The following JAM2 variants were observed in gnomAD, a reference collection of about 807,000 sequenced individuals.
The protein encoded by JAM2 is junctional adhesion molecule B.
In JAM2, 17 loss-of-function variants were observed where a neutral mutation model predicts 42.0. The ratio of observed to expected loss-of-function variants is 0.40; its 90% CI spans 0.28 to 0.61. JAM2 has a LOEUF of 0.61. Among genes scored for constraint, JAM2 ranks in the 20% least tolerant of loss-of-function variants. JAM2 has a pLI of 0.37. For synonymous variants in JAM2, 118 were observed against 128.6 expected, an observed-to-expected ratio of 0.92 and a Z score of 0.56; for missense variants, 319 against 358.3, an observed-to-expected ratio of 0.89 and a Z score of 0.89.
Position 25,706,013 on chromosome 21 carries a change from A to T in JAM2, c.732A>T (p.Val244=). The T allele has an allele frequency of 6.2e-7, 1 of 1,613,798 alleles. No homozygotes were observed. Residue 244 remains valine, a synonymous_variant, in exon 7 of 10, where the codon GTA becomes GTT. Coordinates refer to ENST00000480456, the MANE Select transcript of JAM2 (RefSeq NM_021219.4). ...DLNISGIIAA[V]VVVALVISVC... is the part of the protein sequence containing the mutation. ...ACATAAGTGGCATCATAGCAGCCGT[A>T]GTAGTTGTGGCCTTAGTGATTTCCG...
At chr21:25,654,121 A>G (rs2032858373) in intron 1 of JAM2, among the ~76,000 whole-genome samples, 4 of 152,348 alleles carry the variant, frequency 2.6e-5, no homozygotes, top group South Asian at 4.1e-4. Context: ...GTGTAACCAC[A>G]TAGCCTTAAC....
chr21:25,647,415 T>C (rs1211653535), intron 1 of JAM2, among the ~76,000 whole-genome samples: 1 of 152,208 alleles, frequency 6.6e-6, no homozygotes, highest in Non-Finnish European at 1.5e-5. Context: ...TTTATTATGC[T>C]TACTGCTGTA....
chr21:25,677,106 A>G (rs534875075), intron 1 of JAM2, among the ~76,000 whole-genome samples: 137 of 152,280 alleles, frequency 9.0e-4, no homozygotes, highest in African/African-American at 3.1e-3. Context: ...GTATGTTTGG[A>G]TGACGGCTAC....
At chr21:25,711,647 G>A (rs1466261307) in intron 8 of JAM2, 2 of 278,126 alleles carry the variant, frequency 7.2e-6, no homozygotes, top group Non-Finnish European at 1.4e-5. Flanking sequence ...GTTCAGAAGG[G>A]CAGGGTAGCT....
intron 9 of JAM2, among the ~76,000 whole-genome samples, chr21:25,713,341 G>T (rs1345232416): frequency 6.6e-6 from 1 of 152,152 alleles, no homozygotes; most frequent in Non-Finnish European, 1.5e-5. Context: ...ACACTACATT[G>T]ATGCAGCAAA....
intron 2 of JAM2, among the ~76,000 whole-genome samples, chr21:25,689,389 C>T (rs920990823): frequency 6.6e-6 from 1 of 152,198 alleles, no homozygotes; most frequent in Non-Finnish European, 1.5e-5. Context: ...TTCTTGGGTA[C>T]TAAGCATGAA....
intron 1 of JAM2, among the ~76,000 whole-genome samples, chr21:25,666,307 T>C (rs999247299): frequency 6.7e-6 from 1 of 148,680 alleles, no homozygotes; most frequent in Non-Finnish European, 1.5e-5. Context: ...AATTACATTG[T>C]TACGGCTTTT....
intron 1 of JAM2, among the ~76,000 whole-genome samples, chr21:25,640,959 G>T (rs1400901959): frequency 6.6e-6 from 1 of 152,098 alleles, no homozygotes; most frequent in African/African-American, 2.4e-5. Flanking sequence ...ATTTTCTCAC[G>T]CCCTCGCTGC....
At chr21:25,714,434 G>T (rs763709295) in intron 9 of JAM2, 4 of 482,400 alleles carry the variant, frequency 8.3e-6, no homozygotes, top group Non-Finnish European at 1.4e-5. Context: ...GGAGGCGGAG[G>T]TTGCAGTGAG....
intron 4 of JAM2, among the ~76,000 whole-genome samples, chr21:25,697,007 A>T (rs1202419968): frequency 6.5e-4 from 87 of 133,286 alleles, no homozygotes; most frequent in Admixed American, 9.9e-4. Context: ...GCACACACCT[A>T]TTTTTTTTTT....
intron 4 of JAM2, among the ~76,000 whole-genome samples, chr21:25,696,220 C>T (rs2034026245): frequency 6.6e-6 from 1 of 152,178 alleles, no homozygotes. Flanking sequence ...ACCCCGTCTC[C>T]ACCAAAAAAA....
chr21:25,709,309 T>C, intron 7 of JAM2, 125 bp from the exon 8 acceptor site: 1 of 544,098 alleles, frequency 1.8e-6, no homozygotes, highest in Non-Finnish European at 3.2e-6. Flanking sequence ...ATTTAGAAGG[T>C]ATAAACGTCA....
At chr21:25,666,580 A>G (rs1238334511) in intron 1 of JAM2, among the ~76,000 whole-genome samples, 1 of 152,150 alleles carries the variant, frequency 6.6e-6, no homozygotes, top group African/African-American at 2.4e-5. Flanking sequence ...TCTGTCTCCC[A>G]GGCTGGAATG....
chr21:25,694,842 A>T (rs1390715563), intron 4 of JAM2, among the ~76,000 whole-genome samples: 7 of 147,756 alleles, frequency 4.7e-5, no homozygotes, highest in Admixed American at 6.9e-5. Context: ...TCTCAAAAAA[A>T]AAAAAAATAA....
rs763321051 is a variant in JAM2 at position 25,639,851 on chromosome 21, CCTG to C, written c.41_43del (p.Leu14del). The C allele has an allele frequency of 2.4e-5, 39 of 1,593,426 alleles. No homozygotes were observed. Among genetic ancestry groups the C allele is most frequent in the East Asian group, 9.1e-5 (4 of 44,054 alleles). On this transcript the variant is annotated inframe_deletion, in exon 1 of 10. Coordinates refer to ENST00000480456, the MANE Select transcript of JAM2 (RefSeq NM_021219.4). ...CGAGGAGGAGCCGCCACCGCCTCCTCCTGCTGCTGCTGCGCTACCTGGTGGTCG... is the reference window on the plus strand; with the variant it reads ...CGAGGAGGAGCCGCCACCGCCTCCTCCTGCTGCTGCGCTACCTGGTGGTCG...
chr21:25,662,465 T>G (rs1189683514), intron 1 of JAM2, among the ~76,000 whole-genome samples: 2 of 151,868 alleles, frequency 1.3e-5, no homozygotes, highest in Non-Finnish European at 2.9e-5. Context: ...TTATATTTTA[T>G]TTTTTTGAGA....
At chr21:25,651,903 G>A (rs139889347) in intron 1 of JAM2, among the ~76,000 whole-genome samples, 28 of 152,302 alleles carry the variant, frequency 1.8e-4, no homozygotes, top group African/African-American at 6.7e-4. Context: ...GTGTATGACA[G>A]AAACACTGGC....
At chr21:25,708,235 A>G (rs1469842544) in intron 7 of JAM2, among the ~76,000 whole-genome samples, 1 of 152,142 alleles carries the variant, frequency 6.6e-6, no homozygotes, top group African/African-American at 2.4e-5. Flanking sequence ...GTCTCATAAA[A>G]TGTTTCCGTG....
At chr21:25,713,569 T>C (rs1380688155) in intron 9 of JAM2, among the ~76,000 whole-genome samples, 1 of 55,832 alleles carries the variant, frequency 1.8e-5, no homozygotes, top group Non-Finnish European at 3.6e-5. Flanking sequence ...GGGGGTGGGG[T>C]GGGGCGGGGG....
Sources: gnomAD v4.1 joint callset for allele counts (sites outside exome capture counted in the v4.1 genomes callset) on GRCh38, gnomAD v4.1.1 for gene constraint, MANE v1.5 for transcripts, NCBI Gene and HGNC (gene_info 2026-07-23, HGNC 2026-07-21) for gene names.